The following NUFIP2 variants were observed in gnomAD, a reference collection of about 807,000 sequenced individuals.
NUFIP2 encodes the protein nuclear FMR1 interacting protein 2, also known as FMR1-interacting protein NUFIP2.
In NUFIP2, 6 loss-of-function variants were observed where a neutral mutation model predicts 56.9. The observed-to-expected ratio is 0.11, with a 90% CI of 0.06 to 0.21. The LOEUF is 0.21. Ranked by LOEUF, NUFIP2 falls within the 10% of genes least tolerant of loss-of-function variation. The pLI is 1.00. For missense variants in NUFIP2, 828 were observed against 826.8 expected (o/e 1.00, Z -0.02); for synonymous variants, 321 against 298.2 (o/e 1.08, Z -0.79).
chr17:29,264,669 A>G, intron 3 of NUFIP2, 78 bp from the exon 4 acceptor site: 1 of 958,384 alleles, frequency 1.0e-6, no homozygotes, highest in South Asian at 1.3e-5. Flanking sequence ...ATCCCAAATA[A>G]CCATCATTTA....
chr17:29,293,225 G>A (rs909750561), intron 1 of NUFIP2, among the ~76,000 whole-genome samples: 2 of 150,738 alleles, frequency 1.3e-5, no homozygotes, highest in South Asian at 2.1e-4. Flanking sequence ...GAGATGAGGG[G>A]TCCCAACAGC....
intron 2 of NUFIP2, among the ~76,000 whole-genome samples, chr17:29,276,482 G>A (rs1037448464): frequency 3.7e-4 from 56 of 152,072 alleles, no homozygotes; most frequent in Admixed American, 2.2e-3. Context: ...ACAGGCACGC[G>A]CCACCATGCC....
chr17:29,281,689 TAAA>T lies in NUFIP2; in HGVS notation c.2002+4300_2002+4302del, dbSNP rs58675184. The stretch of plus-strand genomic sequence containing the variant: ...GGGTGACAATGAGATCCTGTCTCTT[TAAA>T]AAAAAAAAAAAAAAAAACAGCTAAA... On this transcript the variant is annotated intron_variant, in intron 2 of 3. Coordinates refer to ENST00000225388, the MANE Select transcript of NUFIP2 (RefSeq NM_020772.3). Among the ~76,000 whole-genome samples the T allele has an allele frequency of 1.3e-3, 139 of 110,492 alleles. 1 individual carries two copies. Among genetic ancestry groups the T allele is most frequent in the Middle Eastern group, 9.9e-3 (2 of 202 alleles). 72.5% of individuals were successfully genotyped at this position (110,492 alleles called of 152,430 possible).
At chr17:29,266,427 A>G (rs1452251411) in intron 3 of NUFIP2, among the ~76,000 whole-genome samples, 1 of 151,970 alleles carries the variant, frequency 6.6e-6, no homozygotes, top group Non-Finnish European at 1.5e-5. Context: ...CACTTTCCTA[A>G]TATGTAAAAT....
Position 29,287,162 on chromosome 17 carries a change from G to A in NUFIP2, c.832C>T (p.Pro278Ser), listed in dbSNP as rs747777517. The change falls in exon 2 of 4, where the codon CCC (proline) becomes TCC (serine). Residue 278 changes from proline to serine, a missense_variant. Physicochemically the swap from Pro to Ser is moderately conservative, Grantham distance 74. Coordinates refer to ENST00000225388, the MANE Select transcript of NUFIP2 (RefSeq NM_020772.3). ...QKGNRVDGSKPIWKYETGPGG... is the reference protein window; with the variant it reads ...QKGNRVDGSKSIWKYETGPGG... ...GGCCCAGTTTCATACTTCCAAATGG[G>A]CTTCGAACCATCTACTCGATTTCCC... The A allele has an allele frequency of 6.2e-7, 1 of 1,613,988 alleles. No homozygotes were observed. Among genetic ancestry groups the A allele is most frequent in the African/African-American group, 1.3e-5 (1 of 74,890 alleles).
chr17:29,266,791 G>A (rs2069039805), intron 3 of NUFIP2, among the ~76,000 whole-genome samples: 1 of 151,602 alleles, frequency 6.6e-6, no homozygotes, highest in Non-Finnish European at 1.5e-5. Flanking sequence ...TCATCTAGTA[G>A]GTAAATAATA....
rs545116142 is a variant in NUFIP2 at position 29,258,467 on chromosome 17, T to C, written c.*6072A>G. Reference sequence around the variant, plus strand: ...ACAAAAAATAAGTCCCCAGCTTACATAGACAAATGTTTTCTAAAAGATCAG... The same window carrying C: ...ACAAAAAATAAGTCCCCAGCTTACACAGACAAATGTTTTCTAAAAGATCAG... On this transcript the variant is annotated 3_prime_UTR_variant, in exon 4 of 4. Coordinates refer to ENST00000225388, the MANE Select transcript of NUFIP2 (RefSeq NM_020772.3). 51 of 152,298 alleles carry C rather than the reference T, an allele frequency of 3.3e-4. No individual in the cohort carries two copies. Among genetic ancestry groups the C allele is most frequent in the African/African-American group, 1.2e-3 (49 of 41,584 alleles). 9.4% of individuals were successfully genotyped at this position (152,298 alleles called of 1,614,324 possible). A position where few individuals can be genotyped will look rare whatever the true frequency, so the allele number is the denominator to read the frequency against.
At chr17:29,279,489 A>G (rs1282784148) in intron 2 of NUFIP2, among the ~76,000 whole-genome samples, 1 of 152,188 alleles carries the variant, frequency 6.6e-6, no homozygotes, top group Non-Finnish European at 1.5e-5. Context: ...AATTGGTGCC[A>G]TATTAATCTA....
chr17:29,271,145 G>A (rs924688231), intron 2 of NUFIP2, among the ~76,000 whole-genome samples: 5 of 152,146 alleles, frequency 3.3e-5, no homozygotes, highest in African/African-American at 9.7e-5. Flanking sequence ...GTGAGCTCTA[G>A]AGTAGTGAGT....
chr17:29,285,121 G>T (rs797962), intron 2 of NUFIP2, among the ~76,000 whole-genome samples: 96,611 of 152,002 alleles, frequency 0.64, 31,174 homozygotes, highest in East Asian at 0.87. Flanking sequence ...GCCAACACGG[G>T]GAAACCCGTG....
intron 1 of NUFIP2, 139 bp downstream of exon 1, chr17:29,293,644 A>T (rs989908819): frequency 3.8e-5 from 35 of 913,682 alleles, no homozygotes; most frequent in Admixed American, 9.5e-5. Flanking sequence ...CTCTAGAATG[A>T]AAGGGGCATC....
At position 29,260,636 on chromosome 17, in the gene NUFIP2, GCAACAAGCCTAA is replaced by G. The variant is rs920359798; in HGVS notation, c.*3891_*3902del. 3.3e-5 allele frequency: 5 copies of G among 152,166 alleles called. No individual in the cohort carries two copies. Among genetic ancestry groups the G allele is most frequent in the Non-Finnish European group, 7.3e-5 (5 of 68,030 alleles). The allele number at this position is 152,166 out of a possible 1,614,324, so 9.4% of individuals were successfully genotyped here. A position where few individuals can be genotyped will look rare whatever the true frequency, so the allele number is the denominator to read the frequency against. On this transcript the variant is annotated 3_prime_UTR_variant, in exon 4 of 4. Transcript: ENST00000225388. ...CATTAGATGCCTCTGATGTGGGGAA[GCAACAAGCCTAA>G]CAACCAAGTATGATATTATCACTAT... is the stretch of plus-strand genomic sequence containing the variant.
chr17:29,270,533 A>G (rs1351360384), intron 2 of NUFIP2, among the ~76,000 whole-genome samples: 1 of 152,196 alleles, frequency 6.6e-6, no homozygotes, highest in Non-Finnish European at 1.5e-5. Flanking sequence ...TGCAAAAAAA[A>G]AAATTGATCC....
At chr17:29,288,006 A>G (rs1419777104) in intron 1 of NUFIP2, among the ~76,000 whole-genome samples, 1 of 152,172 alleles carries the variant, frequency 6.6e-6, no homozygotes, top group Non-Finnish European at 1.5e-5. Context: ...CCTCTCATCT[A>G]ACAGAATCAA....
chr17:29,266,833 C>T (rs1200577200), intron 3 of NUFIP2, among the ~76,000 whole-genome samples: 1 of 151,772 alleles, frequency 6.6e-6, no homozygotes, highest in East Asian at 1.9e-4. Context: ...TACAGTATTG[C>T]CCCATCCTCG....
rs1567673254 is a variant in NUFIP2 at position 29,259,064 on chromosome 17, A to G, written c.*5475T>C. 2 of 152,322 alleles carry G rather than the reference A, an allele frequency of 1.3e-5. No individual in the cohort carries two copies. The highest frequency in any genetic ancestry group is 3.9e-4 in the East Asian group (2 of 5,190). The allele number at this position is 152,322 out of a possible 1,614,324, so 9.4% of individuals were successfully genotyped here. ...TTGTTAACACCAAATCTTTACATCT[A>G]GCAAAAGAAATAAGCATTTTAAGAA... On this transcript the variant is annotated 3_prime_UTR_variant, in exon 4 of 4. Coordinates refer to ENST00000225388, the MANE Select transcript of NUFIP2 (RefSeq NM_020772.3).
chr17:29,283,493 G>A (rs923328441), intron 2 of NUFIP2, among the ~76,000 whole-genome samples: 1 of 152,034 alleles, frequency 6.6e-6, no homozygotes, highest in African/African-American at 2.4e-5. Context: ...TTGTTGCCCA[G>A]GCTGGTCTCA....
rs1475916521 is a variant in NUFIP2 at position 29,287,232 on chromosome 17, T to C, written c.762A>G (p.Leu254=). 1 of 1,614,222 alleles carries C rather than the reference T, an allele frequency of 6.2e-7. No individual in the cohort carries two copies. Among genetic ancestry groups the C allele is most frequent in the Admixed American group, 1.7e-5 (1 of 60,016 alleles). ...IMQQETSVPT[L]KQGLETFKPD... ...GCTTGAAAGTTTCAAGTCCCTGTTTTAAGGTTGGGACACTGGTCTCTTGTT... is the reference window on the plus strand; with the variant it reads ...GCTTGAAAGTTTCAAGTCCCTGTTTCAAGGTTGGGACACTGGTCTCTTGTT... The change falls in exon 2 of 4, where the codon TTA becomes TTG. Residue 254 remains leucine, a synonymous_variant. Coordinates refer to ENST00000225388, the MANE Select transcript of NUFIP2 (RefSeq NM_020772.3).
In NUFIP2 at chr17:29,293,887, A is replaced by C. The variant is rs1397018359; in HGVS notation, c.173T>G (p.Leu58Arg). 1 of 1,613,656 alleles carries C rather than the reference A, an allele frequency of 6.2e-7. No homozygotes were observed. The highest frequency in any genetic ancestry group is 8.5e-7 in the Non-Finnish European group (1 of 1,179,850). ...GGGGCTGCCCTCGGCTCCATGCTGC[A>C]GGTATTGGTGAGGCTGCTGGTGATG... ...HHHHQQPHQY[L>R]QHGAEGSPKA... is the part of the protein sequence containing the mutation. The change falls in exon 1 of 4, where the codon CTG becomes CGG. Residue 58 changes from leucine (L) to arginine (R), a missense_variant. Physicochemically the swap from Leu to Arg is moderately radical, Grantham distance 102. Transcript: ENST00000225388.
Sources: gnomAD v4.1 joint callset for allele counts (sites outside exome capture counted in the v4.1 genomes callset) on GRCh38, gnomAD v4.1.1 for gene constraint, MANE v1.5 for transcripts, NCBI Gene and HGNC (gene_info 2026-07-23, HGNC 2026-07-21) for gene names.